The following TUFT1 variants were observed in gnomAD, a reference collection of about 807,000 sequenced individuals.
The protein encoded by TUFT1 is tuftelin 1, also known as tuftelin.
Under a neutral mutation model 57.8 loss-of-function variants are expected in TUFT1, and 43 were observed. That is an observed-to-expected ratio of 0.74 (90% CI 0.58 to 0.96). The LOEUF (loss-of-function observed/expected upper bound fraction) is 0.96. Among genes scored for constraint, TUFT1 ranks in the 40% least tolerant of loss-of-function variants. The probability of loss-of-function intolerance (pLI) is 0.00; values close to 1 mark genes in which losing one functional copy is unlikely to be tolerated. For missense variants in TUFT1, 459 were observed against 489.0 expected, an observed-to-expected ratio of 0.94 and a Z score of 0.58; for synonymous variants, 166 against 176.7, an observed-to-expected ratio of 0.94 and a Z score of 0.48.
intron 8 of TUFT1, among the ~76,000 whole-genome samples, chr1:151,574,603 A>G (rs543649750): frequency 5.9e-5 from 9 of 152,312 alleles, no homozygotes; most frequent in South Asian, 2.1e-4. Context: ...CTATTTCCAC[A>G]TTAGATTCCT....
At chr1:151,569,616 A>C in intron 6 of TUFT1, 41 bp from the exon 7 acceptor site, 1 of 1,572,416 alleles carries the variant, frequency 6.4e-7, no homozygotes, top group Non-Finnish European at 8.7e-7. Context: ...CTGAGTCAGA[A>C]ACTTGAGGGC....
At chr1:151,581,527 C>A in intron 12 of TUFT1, 117 bp from the exon 13 acceptor site, 1 of 949,364 alleles carries the variant, frequency 1.1e-6, no homozygotes, top group Non-Finnish European at 1.6e-6. Flanking sequence ...AAGTGATCAG[C>A]CAGCACTGCA....
chr1:151,551,950 G>A (rs527430485), intron 1 of TUFT1, among the ~76,000 whole-genome samples: 1 of 152,172 alleles, frequency 6.6e-6, no homozygotes, highest in South Asian at 2.1e-4. Flanking sequence ...GCAGCACCCA[G>A]ATCAAGAAAC....
At chr1:151,552,984 C>A (rs1241835886) in intron 1 of TUFT1, among the ~76,000 whole-genome samples, 1 of 152,154 alleles carries the variant, frequency 6.6e-6, no homozygotes, top group Non-Finnish European at 1.5e-5. Context: ...CCCAGCAAGG[C>A]CTGTCTGTCT....
At chr1:151,578,689 C>T in intron 9 of TUFT1, 32 bp from the exon 10 acceptor site, 4 of 1,521,704 alleles carry the variant, frequency 2.6e-6, no homozygotes, top group Non-Finnish European at 3.6e-6. Flanking sequence ...GATCTTGTTC[C>T]ATTGCCTCAG....
At chr1:151,578,655 C>T (rs1666554605) in intron 9 of TUFT1, 66 bp from the exon 10 acceptor site, 1 of 1,400,766 alleles carries the variant, frequency 7.1e-7, no homozygotes, top group Non-Finnish European at 9.8e-7. Flanking sequence ...GCTCAAGGCT[C>T]TTCCTGTGAC....
chr1:151,554,695 CTTTTTT>C (rs771656418), intron 1 of TUFT1, among the ~76,000 whole-genome samples: 7 of 85,654 alleles, frequency 8.2e-5, no homozygotes, highest in African/African-American at 5.1e-5. Flanking sequence ...GCCCGGCCCC[CTTTTTT>C]TTTTTTTTTT....
intron 1 of TUFT1, among the ~76,000 whole-genome samples, chr1:151,560,714 G>A (rs760850924): frequency 3.0e-4 from 45 of 152,212 alleles, no homozygotes; most frequent in Non-Finnish European, 5.1e-4. Context: ...CCATCCTCAC[G>A]CTGTCACAGA....
chr1:151,553,742 A>G (rs1251938992), intron 1 of TUFT1, among the ~76,000 whole-genome samples: 3 of 152,146 alleles, frequency 2.0e-5, no homozygotes, highest in African/African-American at 7.2e-5. Context: ...TGAATTTTCC[A>G]GCGATTGTGT....
chr1:151,561,909 C>A (rs879156884), intron 1 of TUFT1, 182 bp from the exon 2 acceptor site: 1 of 1,517,126 alleles, frequency 6.6e-7, no homozygotes, highest in South Asian at 1.2e-5. Context: ...AGTCACCACC[C>A]CAAACACCTG....
At chr1:151,556,650 A>G (rs902658586) in intron 1 of TUFT1, among the ~76,000 whole-genome samples, 4 of 152,184 alleles carry the variant, frequency 2.6e-5, no homozygotes, top group African/African-American at 7.2e-5. Flanking sequence ...GCCTCAAGCA[A>G]TCCTCCCACC....
chr1:151,542,186 A>AT (rs904454283), intron 1 of TUFT1, among the ~76,000 whole-genome samples: 8 of 151,382 alleles, frequency 5.3e-5, no homozygotes, highest in Non-Finnish European at 7.4e-5. Context: ...AACCTCTACT[A>AT]TTTTTTTTCT....
At chr1:151,581,435 C>T (rs1666642762) in intron 12 of TUFT1, among the ~76,000 whole-genome samples, 1 of 152,146 alleles carries the variant, frequency 6.6e-6, no homozygotes, top group Non-Finnish European at 1.5e-5. Flanking sequence ...TTTCTTCACC[C>T]TTGCTACAAG....
At chr1:151,560,388 C>T (rs1453252061) in intron 1 of TUFT1, among the ~76,000 whole-genome samples, 1 of 151,988 alleles carries the variant, frequency 6.6e-6, no homozygotes, top group East Asian at 2.0e-4. Flanking sequence ...TGCACTCCAG[C>T]CTGGGAGACA....
intron 1 of TUFT1, among the ~76,000 whole-genome samples, chr1:151,543,327 ATG>A (rs10626781): frequency 0.5 from 73,386 of 146,626 alleles, 18,799 homozygotes; most frequent in Non-Finnish European, 0.59. Flanking sequence ...TTATATATAT[ATG>A]TGTGTGTGTG....
chr1:151,553,156 A>G lies in TUFT1; in HGVS notation c.61-8935A>G, dbSNP rs556521611. On this transcript the variant is annotated intron_variant, in intron 1 of 12. Coordinates refer to ENST00000368849, the MANE Select transcript of TUFT1 (RefSeq NM_020127.3). ...CCCCAGGCTGGAGTGCAGTGGCACG[A>G]TCTTGGCTCACAGCAACCTCCACCT... Among the ~76,000 whole-genome samples, 4 of 152,012 alleles carry G rather than the reference A, an allele frequency of 2.6e-5. No individual in the cohort carries two copies. The East Asian group carries it at 7.7e-4, about 29-fold the overall frequency.
At chr1:151,557,421 A>G in intron 1 of TUFT1, 2 of 1,024,820 alleles carry the variant, frequency 2.0e-6, no homozygotes, top group Non-Finnish European at 3.0e-6. Context: ...TTCCAGCCCC[A>G]GCCCCGGCCC....
At chr1:151,561,134 C>G (rs1246379157) in intron 1 of TUFT1, among the ~76,000 whole-genome samples, 1 of 152,010 alleles carries the variant, frequency 6.6e-6, no homozygotes, top group Non-Finnish European at 1.5e-5. Context: ...GCTGGGACTA[C>G]AGGCGCCTGC....
intron 4 of TUFT1, 29 bp from the exon 5 acceptor site, chr1:151,564,496 A>G (rs772966507): frequency 2.7e-5 from 42 of 1,576,840 alleles, no homozygotes; most frequent in Non-Finnish European, 3.5e-5. Context: ...TCTACCCTAA[A>G]GCTCAAGTTT....
Sources: allele counts gnomAD v4.1 joint callset (sites outside exome capture counted in the v4.1 genomes callset), GRCh38; gene constraint gnomAD v4.1.1; transcripts MANE v1.5; gene names NCBI Gene and HGNC (gene_info 2026-07-23, HGNC 2026-07-21).